The following TM9SF4 variants were observed in gnomAD, a reference collection of about 807,000 sequenced individuals.
The protein encoded by TM9SF4 is transmembrane 9 superfamily member 4, also known as dinucleotide oxidase disulfide thiol exchanger 3 superfamily member 4.
Under a neutral mutation model 90.4 loss-of-function variants are expected in TM9SF4, and 26 were observed. That is an observed-to-expected ratio of 0.29 (90% CI 0.21 to 0.40). The LOEUF is 0.40. Ranked by LOEUF, TM9SF4 falls within the 10% of genes least tolerant of loss-of-function variation. The probability of loss-of-function intolerance (pLI) is 1.00; values close to 1 mark genes in which losing one functional copy is unlikely to be tolerated. For synonymous variants in TM9SF4, 293 were observed against 315.4 expected (o/e 0.93, Z 0.75); for missense variants, 549 against 834.8 (o/e 0.66, Z 4.22).
At chr20:32,153,077 G>A (rs1352351034) in intron 12 of TM9SF4, among the ~76,000 whole-genome samples, 1 of 152,208 alleles carries the variant, frequency 6.6e-6, no homozygotes, top group African/African-American at 2.4e-5. Context: ...GCAGCCAGCA[G>A]TGGGGCCTAA....
At chr20:32,112,583 A>G (rs1238006287) in intron 1 of TM9SF4, among the ~76,000 whole-genome samples, 2 of 151,756 alleles carry the variant, frequency 1.3e-5, no homozygotes, top group Non-Finnish European at 2.9e-5. Context: ...AATCCCAGCT[A>G]CTCGGGAGGC....
intron 2 of TM9SF4, among the ~76,000 whole-genome samples, chr20:32,133,704 C>T (rs1401055286): frequency 6.6e-6 from 1 of 152,178 alleles, no homozygotes; most frequent in African/African-American, 2.4e-5. Context: ...CCATATGTTA[C>T]ACAGATTTCC....
chr20:32,129,770 A>G (rs1475529454), intron 1 of TM9SF4, among the ~76,000 whole-genome samples: 1 of 152,092 alleles, frequency 6.6e-6, no homozygotes, highest in Non-Finnish European at 1.5e-5. Flanking sequence ...CTTTTAGTAG[A>G]GATGGGGTTT....
rs534723912 is a variant in TM9SF4, at chr20:32,154,389, G to A, written c.1246-714G>A. 5.9e-5 allele frequency among the ~76,000 whole-genome samples: 9 copies of A among 151,860 alleles called. No homozygotes were observed. The South Asian group carries it at 1.9e-3, about 32-fold the overall frequency. Reference sequence around the variant, plus strand: ...CACCTGAGCTCAAGCGATTCTGGAGGTAATTTTTCTCCCCCTCAAAAAAAA... The same window carrying A: ...CACCTGAGCTCAAGCGATTCTGGAGATAATTTTTCTCCCCCTCAAAAAAAA... On this transcript the variant is annotated intron_variant, in intron 12 of 17. Transcript: ENST00000398022.
In TM9SF4 at chr20:32,149,741, G is replaced by C. The variant is rs1241688572; in HGVS notation, c.1062G>C (p.Leu354=). 3.7e-6 allele frequency: 6 copies of C among 1,614,246 alleles called. No individual in the cohort carries two copies. The highest frequency in any genetic ancestry group is 3.3e-5 in the South Asian group (3 of 91,086). Residue 354 remains leucine, a synonymous_variant, in exon 10 of 18, where the codon CTG becomes CTC. Coordinates refer to ENST00000398022, the MANE Select transcript of TM9SF4 (RefSeq NM_014742.4). ...LSSLLGSGIQ[L]FCMILIVIFV... ...CCCTGCTGGGCTCAGGCATTCAGCT[G>C]TTCTGTATGATCCTCATCGTCATCT...
At chr20:32,134,005 G>A (rs1449608553) in intron 2 of TM9SF4, among the ~76,000 whole-genome samples, 3 of 150,278 alleles carry the variant, frequency 2.0e-5, no homozygotes, top group Admixed American at 6.6e-5. Flanking sequence ...GTAGAGATGA[G>A]GTCTCACTAT....
intron 1 of TM9SF4, among the ~76,000 whole-genome samples, chr20:32,132,573 G>A (rs915554153): frequency 3.3e-5 from 5 of 152,136 alleles, no homozygotes; most frequent in Admixed American, 6.5e-5. Flanking sequence ...AGGCCAGCAC[G>A]GTTTTGGAGA....
rs1022695602 is a variant in TM9SF4, at chr20:32,166,546, T to G, written c.*1102T>G. 1.3e-5 allele frequency: 2 copies of G among 152,312 alleles called. No individual in the cohort carries two copies. The highest frequency in any genetic ancestry group is 4.8e-5 in the African/African-American group (2 of 41,444). 9.4% of individuals were successfully genotyped at this position (152,312 alleles called of 1,614,324 possible). ...AGCCCCATCCCCTCCACCCCACACC[T>G]GAGTTCTTGCCTCCTCCTTTTGGGG... is the stretch of plus-strand genomic sequence containing the variant. On this transcript the variant is annotated 3_prime_UTR_variant, in exon 18 of 18. Coordinates refer to ENST00000398022, the MANE Select transcript of TM9SF4 (RefSeq NM_014742.4).
intron 1 of TM9SF4, among the ~76,000 whole-genome samples, chr20:32,128,687 T>A (rs1291647344): frequency 6.6e-6 from 1 of 152,134 alleles, no homozygotes; most frequent in Non-Finnish European, 1.5e-5. Flanking sequence ...GTATTTGACG[T>A]TGTTTCTGAG....
Position 32,141,637 on chromosome 20 carries a change from C to T in TM9SF4, c.370C>T (p.Arg124Trp), listed in dbSNP as rs995036288. Residue 124 changes from arginine to tryptophan, a missense_variant, in exon 4 of 18, where the codon CGG (arginine) becomes TGG (tryptophan). Physicochemically the swap from Arg to Trp is moderately radical, Grantham distance 101. Coordinates refer to ENST00000398022, the MANE Select transcript of TM9SF4 (RefSeq NM_014742.4). ...TVEQSRLVAERITEDYYVHLI... is the reference protein window; with the variant it reads ...TVEQSRLVAEWITEDYYVHLI... ...GGAGCAGAGCCGACTCGTGGCCGAG[C>T]GGATCACAGAAGACTACTACGTCCA... is the stretch of plus-strand genomic sequence containing the variant. 2.5e-6 allele frequency: 4 copies of T among 1,613,988 alleles called. No individual in the cohort carries two copies. Among genetic ancestry groups the T allele is most frequent in the Non-Finnish European group, 3.4e-6 (4 of 1,180,006 alleles).
In TM9SF4 at chr20:32,117,223, CAAAAAA is replaced by C. The variant is rs34453961; in HGVS notation, c.15+7486_15+7491del. ...TGGGCAACAGAGCTAGACTCTGTCT[CAAAAAA>C]AAAAAAAAAAAAAAAAAGTGACTGT... On this transcript the variant is annotated intron_variant, in intron 1 of 17. Coordinates refer to ENST00000398022, the MANE Select transcript of TM9SF4 (RefSeq NM_014742.4). Among the ~76,000 whole-genome samples the C allele has an allele frequency of 1.9e-4, 13 of 68,252 alleles. No individual in the cohort carries two copies. The Admixed American group carries it at 2.3e-3, about 12-fold the overall frequency. The allele number at this position is 68,252 out of a possible 152,430, so 44.8% of individuals were successfully genotyped here.
intron 12 of TM9SF4, among the ~76,000 whole-genome samples, chr20:32,152,806 C>G (rs994738807): frequency 1.3e-5 from 2 of 152,220 alleles, no homozygotes; most frequent in Non-Finnish European, 2.9e-5. Context: ...CACCTCCTAC[C>G]CCGAGCCTGG....
chr20:32,140,871 A>G (rs1030492173), intron 3 of TM9SF4, among the ~76,000 whole-genome samples: 4 of 152,080 alleles, frequency 2.6e-5, no homozygotes, highest in Non-Finnish European at 1.5e-5. Context: ...GGCCAGGAGC[A>G]TGGGGCAGGG....
intron 3 of TM9SF4, among the ~76,000 whole-genome samples, chr20:32,138,966 C>A (rs1477356531): frequency 6.6e-6 from 1 of 152,254 alleles, no homozygotes; most frequent in African/African-American, 2.4e-5. Flanking sequence ...GCAGTGGGCT[C>A]TGCAGATATC....
chr20:32,165,315 C>T lies in TM9SF4; in HGVS notation c.1800C>T (p.Ile600=). 1 of 1,614,184 alleles carries T rather than the reference C, an allele frequency of 6.2e-7. No individual in the cohort carries two copies. Among genetic ancestry groups the T allele is most frequent in the Non-Finnish European group, 8.5e-7 (1 of 1,180,042 alleles). The part of the protein sequence containing the change: ...FVNKLDIVEF[I]PSLLYFGYTA... ...CGCAGCTGGACATCGTGGAGTTCAT[C>T]CCCTCTCTCCTCTACTTTGGCTACA... Residue 600 remains isoleucine, a synonymous_variant, in exon 18 of 18, where the codon ATC becomes ATT. Transcript: ENST00000398022.
Position 32,166,973 on chromosome 20 carries a change from T to G in TM9SF4, c.*1529T>G, listed in dbSNP as rs2047107170. 6.6e-6 allele frequency: 1 copy of G among 152,094 alleles called. No individual in the cohort carries two copies. Among genetic ancestry groups the G allele is most frequent in the Admixed American group, 6.5e-5 (1 of 15,282 alleles). The allele number at this position is 152,094 out of a possible 1,614,324, so 9.4% of individuals were successfully genotyped here. A position where few individuals can be genotyped will look rare whatever the true frequency, so the allele number is the denominator to read the frequency against. On this transcript the variant is annotated 3_prime_UTR_variant, in exon 18 of 18. Coordinates refer to ENST00000398022, the MANE Select transcript of TM9SF4 (RefSeq NM_014742.4). ...TGAATTTCTCAATCTTGCCTCACAG[T>G]GACTGCAGCGCCAAGCGGCATCCAC...
chr20:32,119,047 A>T (rs1369429014), intron 1 of TM9SF4, among the ~76,000 whole-genome samples: 2 of 152,220 alleles, frequency 1.3e-5, no homozygotes, highest in Non-Finnish European at 2.9e-5. Context: ...TTTACTTGTC[A>T]GTCTTTAAAA....
Position 32,150,884 on chromosome 20 carries a change from C to T in TM9SF4, c.1245+9C>T, listed in dbSNP as rs1308353228. On this transcript the variant is annotated intron_variant, in intron 12 of 17. Transcript: ENST00000398022. The stretch of plus-strand genomic sequence containing the variant: ...AGAAAGGAGCCTTCTGTGTGAGTGT[C>T]CTAAACCTTCTCTTGTTTGGTGGGA... 1 of 1,613,992 alleles carries T rather than the reference C, an allele frequency of 6.2e-7. No individual in the cohort carries two copies. Among genetic ancestry groups the T allele is most frequent in the Non-Finnish European group, 8.5e-7 (1 of 1,179,950 alleles).
chr20:32,165,610 A>G lies in TM9SF4; in HGVS notation c.*166A>G. 1 of 769,502 alleles carries G rather than the reference A, an allele frequency of 1.3e-6. No individual in the cohort carries two copies. Among genetic ancestry groups the G allele is most frequent in the Non-Finnish European group, 2.0e-6 (1 of 491,122 alleles). 47.7% of individuals were successfully genotyped at this position (769,502 alleles called of 1,614,324 possible). A position where few individuals can be genotyped will look rare whatever the true frequency, so the allele number is the denominator to read the frequency against. On this transcript the variant is annotated 3_prime_UTR_variant, in exon 18 of 18. Coordinates refer to ENST00000398022, the MANE Select transcript of TM9SF4 (RefSeq NM_014742.4). ...GCGTGGGGGGCGGGAGGGCCTGTAG[A>G]TAATCTTGCGTTTTTCGTCATCTTA...
Sources: gnomAD v4.1 joint callset for allele counts (sites outside exome capture counted in the v4.1 genomes callset) on GRCh38, gnomAD v4.1.1 for gene constraint, MANE v1.5 for transcripts, NCBI Gene and HGNC (gene_info 2026-07-23, HGNC 2026-07-21) for gene names.